Variants in TTLL5 observed in about 807,000 individuals in gnomAD.
TTLL5 encodes tubulin polyglutamylase TTLL5.
Under a neutral mutation model 168.4 loss-of-function variants are expected in TTLL5, and 132 were observed. The observed-to-expected ratio is 0.78, with a 90% CI of 0.68 to 0.91. The LOEUF is 0.91. TTLL5 is among the 40% of genes least tolerant of loss of function. TTLL5 has a pLI of 0.00. For synonymous variants in TTLL5, 546 were observed against 558.6 expected, an observed-to-expected ratio of 0.98 and a Z score of 0.32; for missense variants, 1,545 against 1,581.5, an observed-to-expected ratio of 0.98 and a Z score of 0.39.
chr14:75,732,553 T>C (rs1445881122), intron 13 of TTLL5, 134 bp downstream of exon 13: 5 of 701,204 alleles, frequency 7.1e-6, no homozygotes. Flanking sequence ...AACCAGACTT[T>C]CTTAAATCAG....
chr14:75,941,223 G>A (rs950499709), intron 31 of TTLL5, among the ~76,000 whole-genome samples: 2 of 152,176 alleles, frequency 1.3e-5, no homozygotes, highest in African/African-American at 4.8e-5. Flanking sequence ...TGTGCCCGGC[G>A]CCTTTGTGAC....
At chr14:75,687,179 A>G (rs944792131) in intron 5 of TTLL5, among the ~76,000 whole-genome samples, 8 of 152,264 alleles carry the variant, frequency 5.3e-5, no homozygotes, top group Non-Finnish European at 1.0e-4. Flanking sequence ...AGAAGAAAAC[A>G]TAGACAAGAT....
intron 27 of TTLL5, among the ~76,000 whole-genome samples, chr14:75,817,876 C>T (rs1473741474): frequency 3.3e-5 from 4 of 119,970 alleles, no homozygotes; most frequent in East Asian, 5.0e-4. Flanking sequence ...CTCACTCTGT[C>T]GCCCAGGCTG....
At chr14:75,691,167 A>G (rs989128368) in intron 6 of TTLL5, among the ~76,000 whole-genome samples, 3 of 152,220 alleles carry the variant, frequency 2.0e-5, no homozygotes, top group African/African-American at 7.2e-5. Flanking sequence ...ATAGGCACCT[A>G]AGTGTCAGCT....
chr14:75,734,458 A>G (rs1888760399), intron 14 of TTLL5, among the ~76,000 whole-genome samples: 1 of 152,222 alleles, frequency 6.6e-6, no homozygotes, highest in Admixed American at 6.5e-5. Context: ...AGCCCAAAGA[A>G]GAAATCTCAT....
chr14:75,677,665 T>C (rs1487721799), intron 3 of TTLL5, among the ~76,000 whole-genome samples: 1 of 151,938 alleles, frequency 6.6e-6, no homozygotes, highest in African/African-American at 2.4e-5. Flanking sequence ...CCACCTGGGC[T>C]GGAGTGCAAT....
chr14:75,690,770 C>T (rs746261502), intron 6 of TTLL5, among the ~76,000 whole-genome samples: 3 of 152,048 alleles, frequency 2.0e-5, no homozygotes, highest in Non-Finnish European at 2.9e-5. Context: ...CAGGCATGCA[C>T]CATTAGGCTC....
Position 75,945,371 on chromosome 14 carries a change from CT to C in TTLL5, c.3824-9052del, listed in dbSNP as rs777505174. ...CACTAGGCTCAAGTGATTCTCCTGCCTCAGCCTCCTGAGTAGCTGGGACTAC... is the reference window on the plus strand; with the variant it reads ...CACTAGGCTCAAGTGATTCTCCTGCCCAGCCTCCTGAGTAGCTGGGACTAC... On this transcript the variant is annotated intron_variant, in intron 31 of 31. Transcript: ENST00000298832. Among the ~76,000 whole-genome samples, 232 of 151,780 alleles carry C rather than the reference CT, an allele frequency of 1.5e-3. 1 individual carries two copies. Among genetic ancestry groups the C allele is most frequent in the African/African-American group, 5.3e-3 (219 of 41,422 alleles).
chr14:75,855,627 G>A (rs1244662618), intron 28 of TTLL5, among the ~76,000 whole-genome samples: 1 of 152,178 alleles, frequency 6.6e-6, no homozygotes, highest in Non-Finnish European at 1.5e-5. Flanking sequence ...CTCCAGAAGA[G>A]GGGAGCCTAA....
At position 75,863,651 on chromosome 14, in the gene TTLL5, T is replaced by C. The variant is rs557646685; in HGVS notation, c.3327-16T>C. ...CAGCCACTCACTCTAAGAAACCTGCTTGCTTTTCTCTTCAGGAGCCTGCAG... is the reference window on the plus strand; with the variant it reads ...CAGCCACTCACTCTAAGAAACCTGCCTGCTTTTCTCTTCAGGAGCCTGCAG... On this transcript the variant is annotated splice_polypyrimidine_tract_variant and intron_variant, in intron 28 of 31. Coordinates refer to ENST00000298832, the MANE Select transcript of TTLL5 (RefSeq NM_015072.5). 125 of 1,585,658 alleles carry C rather than the reference T, an allele frequency of 7.9e-5. 1 individual carries two copies. In the South Asian group the frequency reaches 1.3e-3, roughly 17 times the overall value.
intron 10 of TTLL5, among the ~76,000 whole-genome samples, chr14:75,718,686 CAAAG>C (rs907622269): frequency 6.6e-6 from 1 of 151,856 alleles, no homozygotes; most frequent in Admixed American, 6.6e-5. Flanking sequence ...AGGAAAAAAT[CAAAG>C]AAAGAAAGAA....
chr14:75,906,386 C>T (rs181976050), intron 31 of TTLL5, among the ~76,000 whole-genome samples: 150 of 152,230 alleles, frequency 9.9e-4, no homozygotes, highest in South Asian at 7.3e-3. Context: ...CCCACTTTTA[C>T]GCTGTTCAAA....
intron 23 of TTLL5, among the ~76,000 whole-genome samples, chr14:75,777,473 C>A (rs1375621779): frequency 6.6e-6 from 1 of 152,118 alleles, no homozygotes; most frequent in Non-Finnish European, 1.5e-5. Flanking sequence ...AATGGAAAAT[C>A]TCGATATTCA....
chr14:75,900,453 A>C (rs1046388721), intron 30 of TTLL5, among the ~76,000 whole-genome samples: 1 of 152,054 alleles, frequency 6.6e-6, no homozygotes, highest in Non-Finnish European at 1.5e-5. Context: ...CTCCAGGTGC[A>C]CCTCATACCA....
rs10130097 is a variant in TTLL5, at chr14:75,952,909, G to T, written c.3824-1515G>T. On this transcript the variant is annotated intron_variant, in intron 31 of 31. Transcript: ENST00000298832. ...GAAGAAGTATGGGGTTTATTTTTGG[G>T]GTCATCAAAATGTTCTAAAATTGAC... is the stretch of plus-strand genomic sequence containing the variant. 4.7e-3 allele frequency among the ~76,000 whole-genome samples: 712 copies of T among 152,022 alleles called. 4 individuals carry two copies. Among genetic ancestry groups the T allele is most frequent in the African/African-American group, 0.017 (695 of 41,464 alleles).
At chr14:75,683,514 G>A (rs1409125852) in intron 4 of TTLL5, 36 bp from the exon 5 acceptor site, 1 of 1,523,146 alleles carries the variant, frequency 6.6e-7, no homozygotes, top group Non-Finnish European at 9.1e-7. Context: ...TATCTCTGAT[G>A]TTTTTTTGCC....
At chr14:75,827,707 C>CTTTTTTTTTTTTTTTTTTTTTT (rs561078439) in intron 28 of TTLL5, among the ~76,000 whole-genome samples, 1 of 53,204 alleles carries the variant, frequency 1.9e-5, no homozygotes, top group African/African-American at 8.0e-5. Flanking sequence ...TGGCTTGGTT[C>CTTTTTTTTTTTTTTTTTTTTTT]TTTTTTTTTT....
At chr14:75,947,417 T>C (rs1010574799) in intron 31 of TTLL5, among the ~76,000 whole-genome samples, 18 of 152,218 alleles carry the variant, frequency 1.2e-4, no homozygotes, top group Non-Finnish European at 2.9e-5. Context: ...CACTACATTA[T>C]GGCTAAAGGT....
At position 75,775,594 on chromosome 14, in the gene TTLL5, C is replaced by T. The variant is rs1891669555; in HGVS notation, c.2247C>T (p.Ala749=). ...TTCTGGAACGCAGAAGAATCCTGGC[C>T]CACCAGCTGGGTGACTTTATCATTG... The part of the protein sequence containing the change: ...LALLERRRIL[A]HQLGDFIIVY... The change falls in exon 22 of 32, where the codon GCC becomes GCT. Residue 749 remains alanine, a synonymous_variant. Transcript: ENST00000298832. 6.2e-7 allele frequency: 1 copy of T among 1,613,924 alleles called. No individual in the cohort carries two copies. Among genetic ancestry groups the T allele is most frequent in the Admixed American group, 1.7e-5 (1 of 59,986 alleles).
Sources: gnomAD v4.1 joint callset for allele counts (sites outside exome capture counted in the v4.1 genomes callset) on GRCh38, gnomAD v4.1.1 for gene constraint, MANE v1.5 for transcripts, NCBI Gene and HGNC (gene_info 2026-07-23, HGNC 2026-07-21) for gene names.